The following CDH18 variants were observed in gnomAD, a reference collection of about 807,000 sequenced individuals.
The protein encoded by CDH18 is cadherin 18.
A neutral mutation model predicts 67.9 loss-of-function variants in CDH18; 31 were observed. The observed-to-expected ratio is 0.46, with a 90% CI of 0.34 to 0.62. The LOEUF (loss-of-function observed/expected upper bound fraction) is 0.62. CDH18 is among the 20% of genes least tolerant of loss of function. The pLI is 0.01. For missense variants in CDH18, 890 were observed against 975.5 expected, an observed-to-expected ratio of 0.91 and a Z score of 1.17; for synonymous variants, 362 against 347.2, an observed-to-expected ratio of 1.04 and a Z score of -0.48.
intron 3 of CDH18, among the ~76,000 whole-genome samples, chr5:19,795,176 C>T (rs1392216117): frequency 6.6e-6 from 1 of 152,080 alleles, no homozygotes; most frequent in African/African-American, 2.4e-5. Flanking sequence ...AATAAGCAGT[C>T]AGTAGAAGCA....
At chr5:19,837,066 A>C (rs1781732705) in intron 3 of CDH18, among the ~76,000 whole-genome samples, 1 of 152,188 alleles carries the variant, frequency 6.6e-6, no homozygotes, top group African/African-American at 2.4e-5. Flanking sequence ...ATACCAGGGA[A>C]TACTATGCAG....
chr5:20,187,324 A>G (rs1738178467), intron 2 of CDH18, among the ~76,000 whole-genome samples: 1 of 151,848 alleles, frequency 6.6e-6, no homozygotes, highest in African/African-American at 2.4e-5. Context: ...CTATAATATT[A>G]GGCAAAAAAA....
intron 5 of CDH18, among the ~76,000 whole-genome samples, chr5:19,672,596 A>G (rs1229700677): frequency 2.0e-5 from 3 of 152,096 alleles, no homozygotes. Flanking sequence ...CAAACAACTT[A>G]GTAAAATTTT....
chr5:19,785,712 A>ATATATATATATATT, intron 3 of CDH18, among the ~76,000 whole-genome samples: 1 of 112,898 alleles, frequency 8.9e-6, no homozygotes, highest in Non-Finnish European at 1.8e-5. Context: ...ATATATATAT[A>ATATATATATATATT]TATATATATA....
intron 2 of CDH18, among the ~76,000 whole-genome samples, chr5:19,955,703 T>C (rs189642586): frequency 2.0e-5 from 3 of 151,838 alleles, no homozygotes; most frequent in Admixed American, 1.3e-4. Context: ...GATAGCAAAG[T>C]TAAAAAAAAT....
Position 20,064,145 on chromosome 5 carries a change from C to T in CDH18, c.-517-72131G>A, listed in dbSNP as rs181558447. On this transcript the variant is annotated intron_variant, in intron 2 of 14. Transcript: ENST00000507958. ...GTGTTATTATGAAAACAAAAACAAT[C>T]TGCTATCAGTTAAAATTTTCTCTAA... Among the ~76,000 whole-genome samples, 41 of 152,214 alleles carry T rather than the reference C, an allele frequency of 2.7e-4. No homozygotes were observed. In the East Asian group the frequency reaches 7.5e-3, roughly 28 times the overall value.
At chr5:20,011,362 A>C (rs903347527) in intron 2 of CDH18, among the ~76,000 whole-genome samples, 1 of 152,112 alleles carries the variant, frequency 6.6e-6, no homozygotes, top group African/African-American at 2.4e-5. Context: ...GGGCTGAAAC[A>C]ATGGAGTTTT....
chr5:20,390,209 G>A (rs1040995969), intron 1 of CDH18, among the ~76,000 whole-genome samples: 1 of 149,268 alleles, frequency 6.7e-6, no homozygotes, highest in Admixed American at 6.7e-5. Context: ...GCAACCTACA[G>A]AATGGGAGAA....
intron 2 of CDH18, among the ~76,000 whole-genome samples, chr5:20,222,698 A>T (rs745976880): frequency 4.0e-5 from 6 of 151,818 alleles, no homozygotes; most frequent in Non-Finnish European, 8.8e-5. Flanking sequence ...AATAGTGTGT[A>T]CGCCAACTAT....
At chr5:19,548,674 TAGAG>T (rs1025348535) in intron 8 of CDH18, among the ~76,000 whole-genome samples, 23 of 151,632 alleles carry the variant, frequency 1.5e-4, no homozygotes, top group African/African-American at 5.6e-4. Context: ...GACAGAGTAA[TAGAG>T]AATTTGTCCA....
chr5:20,349,756 A>C (rs1741010959), intron 1 of CDH18, among the ~76,000 whole-genome samples: 1 of 152,136 alleles, frequency 6.6e-6, no homozygotes, highest in Admixed American at 6.5e-5. Flanking sequence ...GTCAGATTAC[A>C]TTTTGTCAGA....
intron 7 of CDH18, among the ~76,000 whole-genome samples, chr5:19,577,702 T>C (rs115870122): frequency 1.1e-3 from 174 of 152,244 alleles, no homozygotes; most frequent in African/African-American, 3.9e-3. Flanking sequence ...TAGATTGATA[T>C]TTTAGGGATG....
At chr5:20,081,277 C>T (rs1744444420) in intron 2 of CDH18, among the ~76,000 whole-genome samples, 1 of 152,026 alleles carries the variant, frequency 6.6e-6, no homozygotes. Context: ...AATATGATAC[C>T]TCAAGTCTGA....
At chr5:19,751,392 T>C (rs2149670180) in intron 3 of CDH18, among the ~76,000 whole-genome samples, 2 of 152,346 alleles carry the variant, frequency 1.3e-5, no homozygotes, top group South Asian at 4.1e-4. Context: ...TATATACTTG[T>C]TTATAAGTAG....
chr5:20,449,280 A>G (rs985078324), intron 1 of CDH18, among the ~76,000 whole-genome samples: 3 of 152,132 alleles, frequency 2.0e-5, no homozygotes, highest in African/African-American at 7.2e-5. Flanking sequence ...AGTTAGTGAT[A>G]TTAGGGTTAA....
At chr5:19,988,209 C>T (rs1256156634), upstream of CDH18, 1 of 152,150 alleles carries the variant, frequency 6.6e-6, no homozygotes, top group South Asian at 2.1e-4. Flanking sequence ...TCAGGCTCCG[C>T]GCACCTCGAG....
At chr5:20,276,784 A>G (rs1745844453) in intron 1 of CDH18, among the ~76,000 whole-genome samples, 1 of 152,144 alleles carries the variant, frequency 6.6e-6, no homozygotes, top group Admixed American at 6.6e-5. Flanking sequence ...AGGGGAGCCC[A>G]TTGCCCTGAA....
chr5:20,091,650 A>C (rs1745438209), intron 2 of CDH18, among the ~76,000 whole-genome samples: 1 of 152,062 alleles, frequency 6.6e-6, no homozygotes, highest in African/African-American at 2.4e-5. Context: ...AGTTTATAAT[A>C]TCTAATTCAC....
At chr5:20,206,197 A>G (rs1174761741) in intron 2 of CDH18, among the ~76,000 whole-genome samples, 1 of 151,860 alleles carries the variant, frequency 6.6e-6, no homozygotes, top group Admixed American at 6.6e-5. Context: ...ATTAGACACT[A>G]TTGTGCACAA....
Sources: gnomAD v4.1 joint callset for allele counts (sites outside exome capture counted in the v4.1 genomes callset) on GRCh38, gnomAD v4.1.1 for gene constraint, MANE v1.5 for transcripts, NCBI Gene and HGNC (gene_info 2026-07-23, HGNC 2026-07-21) for gene names.